Variants in CNIH3 observed in about 807,000 individuals in gnomAD.
CNIH3 encodes cornichon family AMPA receptor auxiliary protein 3, also known as protein cornichon homolog 3.
In CNIH3, 14 loss-of-function variants were observed where a neutral mutation model predicts 24.1. That is an observed-to-expected ratio of 0.58 (90% confidence interval 0.38 to 0.91). The LOEUF is 0.91. Ranked by LOEUF, CNIH3 falls within the 40% of genes least tolerant of loss-of-function variation. CNIH3 has a pLI of 0.00. For missense variants in CNIH3, 178 were observed against 196.8 expected, an observed-to-expected ratio of 0.90 and a Z score of 0.57; for synonymous variants, 68 against 73.8, an observed-to-expected ratio of 0.92 and a Z score of 0.40.
chr1:224,467,421 G>A (rs1381415821), intron 1 of CNIH3, among the ~76,000 whole-genome samples: 1 of 151,998 alleles, frequency 6.6e-6, no homozygotes, highest in African/African-American at 2.4e-5. Flanking sequence ...CTGGATCATA[G>A]TTTTTGTTTG....
chr1:224,656,413 A>G (rs551354692), intron 1 of CNIH3, among the ~76,000 whole-genome samples: 1 of 152,348 alleles, frequency 6.6e-6, no homozygotes, highest in African/African-American at 2.4e-5. Flanking sequence ...TAAGCCTACC[A>G]AAAACGTCTT....
chr1:224,574,795 A>G (rs762431159), intron 4 of CNIH3: 29 of 1,012,776 alleles, frequency 2.9e-5, no homozygotes, highest in Non-Finnish European at 4.4e-5. Flanking sequence ...CCTGGGAAGG[A>G]ATTTTTCCCA....
intron 1 of CNIH3, among the ~76,000 whole-genome samples, chr1:224,484,215 G>C (rs1676937395): frequency 6.7e-6 from 1 of 149,924 alleles, no homozygotes; most frequent in Non-Finnish European, 1.5e-5. Context: ...CAGATCACGA[G>C]GTCAGGAGAT....
intron 5 of CNIH3, among the ~76,000 whole-genome samples, chr1:224,587,956 C>A (rs1215566479): frequency 1.1e-4 from 16 of 146,686 alleles, no homozygotes; most frequent in East Asian, 4.0e-4. Flanking sequence ...AAAAAAAAAA[C>A]AAAACAAAAC....
At chr1:224,712,471 C>T (rs754826132) in intron 3 of CNIH3, among the ~76,000 whole-genome samples, 21 of 152,132 alleles carry the variant, frequency 1.4e-4, no homozygotes, top group South Asian at 4.1e-4. Flanking sequence ...TTTGGATCAC[C>T]TGGCAGGATA....
chr1:224,506,285 G>GCACACACA (rs61334962), intron 1 of CNIH3, among the ~76,000 whole-genome samples: 70 of 143,720 alleles, frequency 4.9e-4, no homozygotes, highest in African/African-American at 1.6e-3. Context: ...GCGCGCGCGC[G>GCACACACA]CGCACACACA....
chr1:224,627,581 G>A (rs1435939975), intron 1 of CNIH3, among the ~76,000 whole-genome samples: 1 of 152,166 alleles, frequency 6.6e-6, no homozygotes, highest in Non-Finnish European at 1.5e-5. Context: ...GACAGTGGTG[G>A]CTGGCTGCAG....
chr1:224,461,108 T>G (rs535419449), intron 1 of CNIH3, among the ~76,000 whole-genome samples: 1 of 151,788 alleles, frequency 6.6e-6, no homozygotes, highest in East Asian at 1.9e-4. Flanking sequence ...GTTCAAGAAA[T>G]TCTTGTGCGT....
chr1:224,674,272 G>GTTTT lies in CNIH3; in HGVS notation c.82-6654_82-6651dup, dbSNP rs71170028. On this transcript the variant is annotated intron_variant, in intron 1 of 5. Coordinates refer to ENST00000272133, the MANE Select transcript of CNIH3 (RefSeq NM_152495.2). The stretch of plus-strand genomic sequence containing the variant: ...AATCGTTTCTTCATCTTCCAGGAAG[G>GTTTT]TTTTTTTTTTTTTTTTTTTTTTTTT... 9.9e-3 allele frequency among the ~76,000 whole-genome samples: 715 copies of GTTTT among 71,992 alleles called. 63 individuals carry two copies. The highest frequency in any genetic ancestry group is 0.013 in the Non-Finnish European group (489 of 37,628). 47.2% of individuals were successfully genotyped at this position (71,992 alleles called of 152,430 possible).
At chr1:224,572,420 G>T (rs1423533830) in intron 4 of CNIH3, among the ~76,000 whole-genome samples, 2 of 151,852 alleles carry the variant, frequency 1.3e-5, no homozygotes, top group African/African-American at 4.8e-5. Context: ...GGAGGTTGAG[G>T]GATGAGAATC....
chr1:224,607,928 T>A (rs1572570622), intron 3 of CNIH3, among the ~76,000 whole-genome samples: 2 of 152,302 alleles, frequency 1.3e-5, no homozygotes, highest in East Asian at 3.9e-4. Context: ...GCACTCAAAA[T>A]TTTTAAAAAG....
At chr1:224,563,041 A>C (rs1680437984) in intron 3 of CNIH3, among the ~76,000 whole-genome samples, 1 of 152,052 alleles carries the variant, frequency 6.6e-6, no homozygotes, top group Non-Finnish European at 1.5e-5. Context: ...TGGAAATTCC[A>C]CTCCTAGGTA....
intron 1 of CNIH3, among the ~76,000 whole-genome samples, chr1:224,448,509 T>TTGTC (rs1285968117): frequency 6.6e-6 from 1 of 152,206 alleles, no homozygotes; most frequent in African/African-American, 2.4e-5. Context: ...GTTTTCAAGT[T>TTGTC]TGTCACCTTA....
chr1:224,457,658 C>T (rs1675735985), intron 1 of CNIH3, among the ~76,000 whole-genome samples: 1 of 151,948 alleles, frequency 6.6e-6, no homozygotes, highest in South Asian at 2.1e-4. Context: ...CTTTTCTGTT[C>T]TTGTAACTTT....
In CNIH3 at chr1:224,616,597, G is replaced by A. The variant is rs1683005112; in HGVS notation, c.-578G>A. ...GACCAACGGGACCTACCTCCTCCCG[G>A]CTACCTAAAGACTCCTTCTCTCGGG... On this transcript the variant is annotated 5_prime_UTR_variant, in exon 1 of 6. Coordinates refer to ENST00000272133, the MANE Select transcript of CNIH3 (RefSeq NM_152495.2). 7 of 986,572 alleles carry A rather than the reference G, an allele frequency of 7.1e-6. No homozygotes were observed. The highest frequency in any genetic ancestry group is 5.1e-4 in the Middle Eastern group (1 of 1,942). 61.1% of individuals were successfully genotyped at this position (986,572 alleles called of 1,614,324 possible).
chr1:224,514,100 C>T (rs1012167679), upstream of CNIH3, among the ~76,000 whole-genome samples: 2 of 152,188 alleles, frequency 1.3e-5, no homozygotes, highest in Admixed American at 6.5e-5. Flanking sequence ...AACCTCATCT[C>T]CAACAGCAGC....
intron 1 of CNIH3, among the ~76,000 whole-genome samples, chr1:224,679,997 C>T (rs528362266): frequency 3.9e-5 from 6 of 152,124 alleles, no homozygotes; most frequent in East Asian, 1.9e-4. Flanking sequence ...TTAGTAGAGA[C>T]GGGATTTCAC....
At chr1:224,565,500 TC>T (rs1430863468) in intron 3 of CNIH3, 1 of 152,356 alleles carries the variant, frequency 6.6e-6, no homozygotes. Flanking sequence ...CTGCTTGCAT[TC>T]TTTGCTCCAG....
At chr1:224,546,951 A>G (rs1255502133) in intron 3 of CNIH3, 3 of 975,828 alleles carry the variant, frequency 3.1e-6, no homozygotes, top group Admixed American at 6.2e-5. Flanking sequence ...TAAGCCAGAA[A>G]CAAGACACTC....
Sources: allele counts gnomAD v4.1 joint callset (sites outside exome capture counted in the v4.1 genomes callset), GRCh38; gene constraint gnomAD v4.1.1; transcripts MANE v1.5; gene names NCBI Gene and HGNC (gene_info 2026-07-23, HGNC 2026-07-21).